Variants in COL22A1 observed in about 807,000 individuals in gnomAD.
COL22A1 encodes the protein collagen type XXII alpha 1 chain, also known as collagen alpha-1(XXII) chain.
COL22A1 carries 221 observed loss-of-function variants against 248.9 expected under a neutral mutation model. The ratio of observed to expected loss-of-function variants is 0.89; its 90% CI spans 0.80 to 0.99. COL22A1 has a LOEUF of 0.99. Ranked by LOEUF, COL22A1 falls within the 50% of genes least tolerant of loss-of-function variation. The pLI is 0.00. For missense variants in COL22A1, 2,240 were observed against 2,179.0 expected (o/e 1.03, Z -0.56); for synonymous variants, 891 against 793.4 (o/e 1.12, Z -2.07).
chr8:138,654,078 C>T (rs1822995806), intron 45 of COL22A1, among the ~76,000 whole-genome samples: 1 of 152,054 alleles, frequency 6.6e-6, no homozygotes, highest in East Asian at 1.9e-4. Context: ...GTGCTATGGC[C>T]GTGAGGAATG....
intron 5 of COL22A1, among the ~76,000 whole-genome samples, chr8:138,830,724 G>A (rs1164746625): frequency 6.6e-6 from 1 of 152,104 alleles, no homozygotes; most frequent in Admixed American, 6.5e-5. Context: ...CTAGATTTGT[G>A]TAACTTTTGC....
chr8:138,751,368 T>C, intron 22 of COL22A1, 90 bp downstream of exon 22: 1 of 878,534 alleles, frequency 1.1e-6, no homozygotes, highest in East Asian at 2.6e-5. Context: ...TCCCTGAAAC[T>C]GACACTGTCT....
At chr8:138,904,641 A>G (rs769775387) in intron 1 of COL22A1, among the ~76,000 whole-genome samples, 90 of 151,954 alleles carry the variant, frequency 5.9e-4, no homozygotes, top group Non-Finnish European at 1.2e-3. Flanking sequence ...TCCCCCACTT[A>G]GTACACTGTC....
At chr8:138,620,996 CCCAT>C (rs34832535) in intron 52 of COL22A1, among the ~76,000 whole-genome samples, 992 of 31,494 alleles carry the variant, frequency 0.031, 13 homozygotes, top group African/African-American at 0.077. Context: ...CATCCATCCA[CCCAT>C]CCATCCATCC....
chr8:138,616,375 A>G (rs1819323108), intron 54 of COL22A1, among the ~76,000 whole-genome samples: 1 of 152,142 alleles, frequency 6.6e-6, no homozygotes, highest in Admixed American at 6.5e-5. Flanking sequence ...GACCCTCTCT[A>G]CACCTGTGCT....
intron 3 of COL22A1, among the ~76,000 whole-genome samples, chr8:138,860,220 T>C (rs1319359359): frequency 6.6e-6 from 1 of 152,164 alleles, no homozygotes; most frequent in Non-Finnish European, 1.5e-5. Flanking sequence ...TAGCTCTCTT[T>C]TCACTTCTTT....
chr8:138,890,287 T>G (rs894628152), intron 1 of COL22A1, among the ~76,000 whole-genome samples: 3 of 152,148 alleles, frequency 2.0e-5, no homozygotes, highest in African/African-American at 4.8e-5. Flanking sequence ...TCCTCAATGG[T>G]GAAAGACTGA....
chr8:138,655,294 C>T (rs1823139162), intron 45 of COL22A1, among the ~76,000 whole-genome samples: 1 of 152,236 alleles, frequency 6.6e-6, no homozygotes, highest in African/African-American at 2.4e-5. Flanking sequence ...CCACCAGCCA[C>T]ATGCAGCTAT....
chr8:138,839,687 T>C (rs1820725664), intron 4 of COL22A1, among the ~76,000 whole-genome samples: 1 of 152,102 alleles, frequency 6.6e-6, no homozygotes, highest in Non-Finnish European at 1.5e-5. Context: ...GAAGGTATCA[T>C]GGGCAGGACT....
chr8:138,663,675 A>T, intron 42 of COL22A1, 30 bp downstream of exon 42: 1 of 1,550,732 alleles, frequency 6.4e-7, no homozygotes, highest in Non-Finnish European at 8.9e-7. Flanking sequence ...TCCCATAGAA[A>T]CTCATCCCTT....
At chr8:138,602,260 G>A (rs778970778) in intron 59 of COL22A1, 101 bp from the exon 60 acceptor site, 47 of 1,364,892 alleles carry the variant, frequency 3.4e-5, no homozygotes, top group Non-Finnish European at 4.9e-5. Context: ...GAGGACAAGG[G>A]ACCCTCAAAA....
intron 22 of COL22A1, among the ~76,000 whole-genome samples, chr8:138,739,529 C>T (rs373402951): frequency 2.6e-5 from 4 of 152,170 alleles, no homozygotes; most frequent in African/African-American, 4.8e-5. Flanking sequence ...GCACCATTGG[C>T]GTTTGTGCTT....
At chr8:138,759,355 A>C (rs890206534) in intron 18 of COL22A1, among the ~76,000 whole-genome samples, 2 of 152,200 alleles carry the variant, frequency 1.3e-5, no homozygotes, top group Admixed American at 6.5e-5. Context: ...CTCTGAGAAG[A>C]AGCGATGCTG....
intron 3 of COL22A1, among the ~76,000 whole-genome samples, chr8:138,844,512 G>A (rs1470154746): frequency 2.6e-5 from 4 of 152,172 alleles, no homozygotes; most frequent in Non-Finnish European, 5.9e-5. Context: ...CTGCTGGGGG[G>A]TTCAGGACAC....
At chr8:138,830,877 C>T (rs1819990794) in intron 5 of COL22A1, among the ~76,000 whole-genome samples, 1 of 151,442 alleles carries the variant, frequency 6.6e-6, no homozygotes, top group Non-Finnish European at 1.5e-5. Flanking sequence ...AGGGTGTAGA[C>T]TCTGCTCATC....
At chr8:138,737,503 G>C (rs1296179381) in intron 23 of COL22A1, 21 bp downstream of exon 23, 4 of 1,570,376 alleles carry the variant, frequency 2.5e-6, no homozygotes. Context: ...TGCTATGGAA[G>C]AGAATGTAAA....
intron 56 of COL22A1, among the ~76,000 whole-genome samples, chr8:138,608,329 GAACA>G (rs1251588996): frequency 1.3e-5 from 2 of 152,260 alleles, no homozygotes; most frequent in Non-Finnish European, 2.9e-5. Context: ...CTGTGTTGAA[GAACA>G]AACAAACCAT....
intron 9 of COL22A1, among the ~76,000 whole-genome samples, chr8:138,809,446 A>C (rs1229156820): frequency 1.3e-5 from 2 of 152,150 alleles, no homozygotes; most frequent in Non-Finnish European, 2.9e-5. Context: ...CATCCTAGGC[A>C]TGGGGCTGGA....
At chr8:138,876,079 C>A (rs1279274314) in intron 3 of COL22A1, among the ~76,000 whole-genome samples, 5 of 152,170 alleles carry the variant, frequency 3.3e-5, no homozygotes, top group East Asian at 3.9e-4. Context: ...CCGCATAAAC[C>A]CTCCAGCATG....
Sources: gnomAD v4.1 joint callset for allele counts (sites outside exome capture counted in the v4.1 genomes callset) on GRCh38, gnomAD v4.1.1 for gene constraint, MANE v1.5 for transcripts, NCBI Gene and HGNC (gene_info 2026-07-23, HGNC 2026-07-21) for gene names.